Variants in SNTG1 observed in about 807,000 individuals in gnomAD.
The protein encoded by SNTG1 is syntrophin gamma 1, also known as gamma-1-syntrophin.
Under a neutral mutation model 74.7 loss-of-function variants are expected in SNTG1, and 39 were observed. The observed-to-expected ratio is 0.52, with a 90% CI of 0.40 to 0.68. The LOEUF (loss-of-function observed/expected upper bound fraction) is 0.68. Among genes scored for constraint, SNTG1 ranks in the 30% least tolerant of loss-of-function variants. SNTG1 has a pLI of 0.00. For missense variants in SNTG1, 685 were observed against 609.5 expected, an observed-to-expected ratio of 1.12 and a Z score of -1.30; for synonymous variants, 254 against 217.1, an observed-to-expected ratio of 1.17 and a Z score of -1.49.
rs142677350 is a variant in SNTG1, at chr8:50,560,348, C to T, written c.810+7169C>T. Among the ~76,000 whole-genome samples, 824 of 152,252 alleles carry T rather than the reference C, an allele frequency of 5.4e-3. 7 individuals carry two copies. The highest frequency in any genetic ancestry group is 0.019 in the African/African-American group (769 of 41,536). On this transcript the variant is annotated intron_variant, in intron 12 of 18. Transcript: ENST00000642720. ...ATCTAGAAACAGAAATACCATTTGACCCAGCAATCCCATTACTGGGTATGA... is the reference window on the plus strand; with the variant it reads ...ATCTAGAAACAGAAATACCATTTGATCCAGCAATCCCATTACTGGGTATGA...
At chr8:50,758,492 G>A (rs2095587533) in intron 18 of SNTG1, among the ~76,000 whole-genome samples, 1 of 151,824 alleles carries the variant, frequency 6.6e-6, no homozygotes, top group African/African-American at 2.4e-5. Flanking sequence ...CTCTTGACAA[G>A]CTCCAGTGTG....
intron 6 of SNTG1, among the ~76,000 whole-genome samples, chr8:50,450,048 G>C (rs188087989): frequency 6.6e-6 from 1 of 152,172 alleles, no homozygotes; most frequent in Non-Finnish European, 1.5e-5. Context: ...ATCAAGTAAA[G>C]ACAATTTCAA....
At chr8:50,336,321 T>C (rs1226286416) in intron 2 of SNTG1, among the ~76,000 whole-genome samples, 1 of 152,226 alleles carries the variant, frequency 6.6e-6, no homozygotes, top group Non-Finnish European at 1.5e-5. Context: ...ATAGATTTTC[T>C]CTCAACATCT....
chr8:50,321,004 G>A (rs1050093973), intron 2 of SNTG1, among the ~76,000 whole-genome samples: 5 of 152,152 alleles, frequency 3.3e-5, no homozygotes, highest in East Asian at 1.9e-4. Context: ...TGGGTGAAAC[G>A]TTCTGTAACA....
rs533423957 is a variant in SNTG1, at chr8:50,477,022, A to C, written c.364-25756A>C. On this transcript the variant is annotated intron_variant, in intron 8 of 18. Transcript: ENST00000642720. The stretch of plus-strand genomic sequence containing the variant: ...ATCAGGTAATATTGGATTTTAATTC[A>C]TTATATGAAATACATATCTATGAGT... Among the ~76,000 whole-genome samples, 48 of 152,330 alleles carry C rather than the reference A, an allele frequency of 3.2e-4. No homozygotes were observed. In the South Asian group the frequency reaches 9.5e-3, roughly 30 times the overall value.
intron 4 of SNTG1, among the ~76,000 whole-genome samples, chr8:50,416,496 T>C (rs540071671): frequency 6.6e-6 from 1 of 152,240 alleles, no homozygotes; most frequent in Non-Finnish European, 1.5e-5. Flanking sequence ...ACAATAGTGG[T>C]GATTTATTTT....
At chr8:50,026,915 C>T (rs1489103622) in intron 1 of SNTG1, among the ~76,000 whole-genome samples, 1 of 152,116 alleles carries the variant, frequency 6.6e-6, no homozygotes, top group Admixed American at 6.5e-5. Flanking sequence ...GTCAAATGCA[C>T]AAGCCCCAAA....
At chr8:50,152,248 TCCATTTG>T (rs1289810276) in intron 1 of SNTG1, among the ~76,000 whole-genome samples, 3 of 152,204 alleles carry the variant, frequency 2.0e-5, no homozygotes, top group Admixed American at 6.5e-5. Flanking sequence ...TTTTTTGTTT[TCCATTTG>T]CTTGGTAGAT....
At chr8:50,503,113 T>C (rs1214311332) in intron 9 of SNTG1, among the ~76,000 whole-genome samples, 1 of 152,196 alleles carries the variant, frequency 6.6e-6, no homozygotes, top group Non-Finnish European at 1.5e-5. Context: ...GGAGAAGTAT[T>C]ATTTGTTTTA....
chr8:50,550,728 G>A (rs1585654693), intron 11 of SNTG1, among the ~76,000 whole-genome samples: 1 of 150,782 alleles, frequency 6.6e-6, no homozygotes. Flanking sequence ...TTTTGTCTGA[G>A]TATCCATAAG....
At chr8:50,660,915 G>A (rs533565516) in intron 15 of SNTG1, among the ~76,000 whole-genome samples, 8 of 151,880 alleles carry the variant, frequency 5.3e-5, no homozygotes, top group African/African-American at 1.9e-4. Flanking sequence ...TTTTTTCTAT[G>A]ACAGTTAATG....
chr8:50,595,959 C>T (rs2094724596), intron 13 of SNTG1, among the ~76,000 whole-genome samples: 1 of 151,928 alleles, frequency 6.6e-6, no homozygotes, highest in Non-Finnish European at 1.5e-5. Context: ...TTTGTCTTGA[C>T]ATATGTTTTT....
At chr8:49,909,902 C>T (rs1805496443), upstream of SNTG1, 1 of 152,288 alleles carries the variant, frequency 6.6e-6, no homozygotes, top group Non-Finnish European at 1.5e-5. Context: ...CTGGCCTTTT[C>T]CTGTGAGTAA....
intron 1 of SNTG1, among the ~76,000 whole-genome samples, chr8:50,016,352 C>T (rs533910458): frequency 4.5e-4 from 68 of 152,230 alleles, no homozygotes; most frequent in Middle Eastern, 6.8e-3. Flanking sequence ...GCTCATGAGG[C>T]ACCCACTTAT....
intron 9 of SNTG1, among the ~76,000 whole-genome samples, chr8:50,518,014 C>T (rs1305175838): frequency 6.6e-6 from 1 of 152,180 alleles, no homozygotes; most frequent in East Asian, 1.9e-4. Context: ...TTCTTCTTAG[C>T]ACCACATCAC....
chr8:50,462,796 C>CTTTTTTTTTTTTT (rs869119447), intron 8 of SNTG1, among the ~76,000 whole-genome samples: 10 of 57,470 alleles, frequency 1.7e-4, no homozygotes, highest in South Asian at 5.8e-4. Flanking sequence ...AGGTTCTACT[C>CTTTTTTTTTTTTT]TTTTTTTTTT....
intron 4 of SNTG1, among the ~76,000 whole-genome samples, chr8:50,417,285 C>A (rs144171409): frequency 6.6e-6 from 1 of 152,044 alleles, no homozygotes; most frequent in African/African-American, 2.4e-5. Flanking sequence ...TTATGAAGCA[C>A]GTGCCACATT....
At chr8:50,754,322 G>A (rs1312736419) in intron 18 of SNTG1, among the ~76,000 whole-genome samples, 1 of 151,882 alleles carries the variant, frequency 6.6e-6, no homozygotes, top group Non-Finnish European at 1.5e-5. Context: ...TACCAATAAT[G>A]TATAAAAGAT....
chr8:50,220,460 A>G (rs1171200793), intron 2 of SNTG1, among the ~76,000 whole-genome samples: 1 of 152,176 alleles, frequency 6.6e-6, no homozygotes, highest in Non-Finnish European at 1.5e-5. Flanking sequence ...ACCAAACAGA[A>G]AGGAATACAT....
Sources: gnomAD v4.1 joint callset for allele counts (sites outside exome capture counted in the v4.1 genomes callset) on GRCh38, gnomAD v4.1.1 for gene constraint, MANE v1.5 for transcripts, NCBI Gene and HGNC (gene_info 2026-07-23, HGNC 2026-07-21) for gene names.